Variants in REDIC1 observed in about 807,000 individuals in gnomAD.
REDIC1 encodes the protein regulator of DNA class I crossover intermediates 1, also known as HEI10 Interacting Protein 1.
chr12:39,771,228 T>A, the REDIC1 span, among the ~76,000 whole-genome samples: 1 of 152,132 alleles, frequency 6.6e-6, no homozygotes, highest in Non-Finnish European at 1.5e-5. Flanking sequence ...TTTTCATGCC[T>A]TGTGTAGTTC....
the REDIC1 span, among the ~76,000 whole-genome samples, chr12:39,698,644 T>C: frequency 2.6e-5 from 4 of 152,300 alleles, no homozygotes; most frequent in East Asian, 7.7e-4. Flanking sequence ...ATATCAAATA[T>C]CTTTTCTAAC....
the REDIC1 span, among the ~76,000 whole-genome samples, chr12:39,836,508 G>A: frequency 2.6e-5 from 4 of 151,844 alleles, no homozygotes; most frequent in South Asian, 2.1e-4. Context: ...GCAGGAGAAG[G>A]AAATAAAGGG....
the REDIC1 span, among the ~76,000 whole-genome samples, chr12:39,775,358 G>T: frequency 6.6e-6 from 1 of 152,210 alleles, no homozygotes; most frequent in Admixed American, 6.5e-5. Context: ...GGCAATAGGT[G>T]TATGCAAAAT....
At chr12:39,740,835 G>T in the REDIC1 span, among the ~76,000 whole-genome samples, 1 of 152,100 alleles carries the variant, frequency 6.6e-6, no homozygotes, top group Non-Finnish European at 1.5e-5. Flanking sequence ...GCTGTTTCAT[G>T]ATTATTTTTG....
At chr12:39,679,137 G>A in the REDIC1 span, among the ~76,000 whole-genome samples, 7 of 152,076 alleles carry the variant, frequency 4.6e-5, no homozygotes, top group African/African-American at 1.7e-4. Context: ...ATTGTACGTA[G>A]TACTGGAAGT....
the REDIC1 span, among the ~76,000 whole-genome samples, chr12:39,725,569 C>A: frequency 3.3e-5 from 5 of 151,960 alleles, no homozygotes; most frequent in South Asian, 2.1e-4. Flanking sequence ...AATATGTATT[C>A]CTTTATGCCT....
chr12:39,733,455 C>T, the REDIC1 span, among the ~76,000 whole-genome samples: 4 of 151,774 alleles, frequency 2.6e-5, no homozygotes, highest in African/African-American at 9.7e-5. Flanking sequence ...TTGTTTTTTT[C>T]CTGTCAAATT....
At chr12:39,859,132 T>G in the REDIC1 span, among the ~76,000 whole-genome samples, 1 of 152,110 alleles carries the variant, frequency 6.6e-6, no homozygotes, top group African/African-American at 2.4e-5. Context: ...CATCTACAGA[T>G]GAAGCCACAG....
chr12:39,719,372 A>G, the REDIC1 span, among the ~76,000 whole-genome samples: 1 of 152,130 alleles, frequency 6.6e-6, no homozygotes, highest in Non-Finnish European at 1.5e-5. Flanking sequence ...CATGCTTGTA[A>G]TCCCAGCATT....
At chr12:39,751,998 ATATG>A in the REDIC1 span, among the ~76,000 whole-genome samples, 1 of 152,196 alleles carries the variant, frequency 6.6e-6, no homozygotes, top group Non-Finnish European at 1.5e-5. Context: ...ACATGTATAC[ATATG>A]TAAGAAACCT....
the REDIC1 span, among the ~76,000 whole-genome samples, chr12:39,841,662 C>G: frequency 4.6e-5 from 7 of 151,888 alleles, no homozygotes; most frequent in African/African-American, 1.7e-4. Flanking sequence ...AGAGTAAAAT[C>G]AGATTTGCAT....
chr12:39,890,042 T>C, the REDIC1 span, among the ~76,000 whole-genome samples: 2 of 152,196 alleles, frequency 1.3e-5, no homozygotes, highest in Non-Finnish European at 2.9e-5. Context: ...AATTACTACA[T>C]TGGGTAGAAA....
At chr12:39,696,093 C>T in the REDIC1 span, among the ~76,000 whole-genome samples, 17 of 152,100 alleles carry the variant, frequency 1.1e-4, no homozygotes, top group African/African-American at 3.1e-4. Flanking sequence ...ACACCCAAGT[C>T]CTTTTTGTAT....
At chr12:39,673,062 C>G in the REDIC1 span, among the ~76,000 whole-genome samples, 11 of 152,072 alleles carry the variant, frequency 7.2e-5, no homozygotes, top group Non-Finnish European at 1.3e-4. Flanking sequence ...CTGGGGATCT[C>G]TCATTTAACC....
the REDIC1 span, among the ~76,000 whole-genome samples, chr12:39,697,244 C>T: frequency 1.3e-5 from 2 of 152,044 alleles, no homozygotes; most frequent in African/African-American, 4.8e-5. Context: ...AACCTTTTAC[C>T]CTAAAATAGT....
chr12:39,785,552 A>T, the REDIC1 span, among the ~76,000 whole-genome samples: 1 of 152,212 alleles, frequency 6.6e-6, no homozygotes, highest in Admixed American at 6.5e-5. Context: ...CCCCACAGAG[A>T]GTCCCTACTG....
At chr12:39,830,785 T>G in the REDIC1 span, among the ~76,000 whole-genome samples, 1 of 152,168 alleles carries the variant, frequency 6.6e-6, no homozygotes, top group South Asian at 2.1e-4. Context: ...TGTTAACATC[T>G]TGGTGAAATC....
chr12:39,734,086 A>G, the REDIC1 span, among the ~76,000 whole-genome samples: 2 of 152,182 alleles, frequency 1.3e-5, no homozygotes, highest in African/African-American at 4.8e-5. Context: ...AGACTGTGGG[A>G]GAAGTGTTGT....
the REDIC1 span, among the ~76,000 whole-genome samples, chr12:39,674,772 C>T: frequency 6.6e-6 from 1 of 152,300 alleles, no homozygotes; most frequent in African/African-American, 2.4e-5. Context: ...GAAGCCATCC[C>T]TGGCCTTCTC....
Sources: gnomAD v4.1 joint callset for allele counts (sites outside exome capture counted in the v4.1 genomes callset) on GRCh38, gnomAD v4.1.1 for gene constraint, MANE v1.5 for transcripts, NCBI Gene and HGNC (gene_info 2026-07-23, HGNC 2026-07-21) for gene names.